Variants in CBLC observed in about 807,000 individuals in gnomAD.
The protein encoded by CBLC is Cbl proto-oncogene C.
In CBLC, 46 loss-of-function variants were observed where a neutral mutation model predicts 58.6. The observed-to-expected ratio is 0.79, with a 90% CI of 0.62 to 1.00. The LOEUF (loss-of-function observed/expected upper bound fraction) is 1.00. Among genes scored for constraint, CBLC ranks in the 50% least tolerant of loss-of-function variants. CBLC has a pLI of 0.00. For missense variants in CBLC, 655 were observed against 625.8 expected, an observed-to-expected ratio of 1.05 and a Z score of -0.50; for synonymous variants, 271 against 264.2, an observed-to-expected ratio of 1.03 and a Z score of -0.25.
At chr19:44,800,016 G>T (rs1037445171) in intron 9 of CBLC, among the ~76,000 whole-genome samples, 4 of 152,156 alleles carry the variant, frequency 2.6e-5, no homozygotes, top group Non-Finnish European at 4.4e-5. Context: ...CATCCTACAC[G>T]AGTTAGAGGT....
intron 5 of CBLC, among the ~76,000 whole-genome samples, chr19:44,789,149 G>A (rs1034325283): frequency 9.9e-5 from 15 of 152,198 alleles, no homozygotes; most frequent in Admixed American, 9.8e-4. Flanking sequence ...GGAGCCCAGT[G>A]CTGAGATCTC....
chr19:44,798,092 A>T (rs1454293864), intron 9 of CBLC, among the ~76,000 whole-genome samples: 2 of 151,998 alleles, frequency 1.3e-5, no homozygotes, highest in Non-Finnish European at 2.9e-5. Flanking sequence ...ACTGCCATTG[A>T]GCTGGATCTC....
At chr19:44,781,151 C>CAGG in intron 2 of CBLC, 56 bp from the exon 3 acceptor site, 1 of 1,576,048 alleles carries the variant, frequency 6.3e-7, no homozygotes, top group South Asian at 1.2e-5. Flanking sequence ...GGAGACCCTC[C>CAGG]CATCATAGGC....
chr19:44,781,303 C>T lies in CBLC; in HGVS notation c.597C>T (p.Asp199=). ...CCCTGGCCTTGCGCACCACCATTGA[C>T]CTCACCTGCAGCGGGCACGTGTCCA... ...CTALALRTTI[D]LTCSGHVSIF... The change falls in exon 3 of 11, where the codon GAC becomes GAT. Residue 199 remains aspartate (D), a synonymous_variant. Transcript: ENST00000647358. 1 of 1,613,542 alleles carries T rather than the reference C, an allele frequency of 6.2e-7. No individual in the cohort carries two copies. The highest frequency in any genetic ancestry group is 1.1e-5 in the South Asian group (1 of 91,088).
rs1389009213 is a variant in CBLC, at chr19:44,778,106, G to A, written c.175G>A (p.Ala59Thr). ...PRTAQLLREV[A>T]HSRRAAGGGG... ...CACAGCGCAGCTGCTTCGAGAGGTG[G>A]CCCATTCTCGGCGGGCGGCCGGCGG... Residue 59 changes from alanine (A) to threonine (T), a missense_variant, in exon 1 of 11, where the codon GCC becomes ACC. This residue lies in a region of CBLC where 280 missense variants were observed against 237.2 expected (regional missense o/e 1.18). Transcript: ENST00000647358. 1 of 1,603,762 alleles carries A rather than the reference G, an allele frequency of 6.2e-7. No homozygotes were observed. The highest frequency in any genetic ancestry group is 2.2e-5 in the East Asian group (1 of 44,622).
At chr19:44,795,014 G>A (rs1968151608) in intron 9 of CBLC, among the ~76,000 whole-genome samples, 1 of 150,446 alleles carries the variant, frequency 6.6e-6, no homozygotes, top group African/African-American at 2.5e-5. Flanking sequence ...CTGCAGTGCA[G>A]TGGCATAATC....
At chr19:44,779,027 C>G (rs1967654552) in intron 1 of CBLC, among the ~76,000 whole-genome samples, 1 of 152,218 alleles carries the variant, frequency 6.6e-6, no homozygotes, top group Non-Finnish European at 1.5e-5. Flanking sequence ...GGTCACCCAG[C>G]AGCCCAATTC....
rs1968187209 is a variant in CBLC at position 44,796,793 on chromosome 19, C to G, written c.1362+2512C>G. ...GGGAGAAGCAGATCTCTTAGTATCTCCGGCTGAGTACACACAGGCTTCGAT... is the reference window on the plus strand; with the variant it reads ...GGGAGAAGCAGATCTCTTAGTATCTGCGGCTGAGTACACACAGGCTTCGAT... On this transcript the variant is annotated intron_variant, in intron 9 of 10. Transcript: ENST00000647358. 2.6e-5 allele frequency among the ~76,000 whole-genome samples: 4 copies of G among 152,064 alleles called. No individual in the cohort carries two copies. The South Asian group carries it at 8.3e-4, about 32-fold the overall frequency.
At position 44,778,260 on chromosome 19, in the gene CBLC, T is replaced by C. The variant is rs919974224; in HGVS notation, c.329T>C (p.Leu110Pro). The change falls in exon 1 of 11, where the codon CTC (leucine) becomes CCC (proline). Residue 110 changes from leucine to proline, a missense_variant. Leu to Pro is a moderately conservative substitution (Grantham distance 98). Transcript: ENST00000647358. ...PRGRRSANDE[L>P]FRAGSRLRRQ... is the part of the protein sequence containing the mutation. ...GGCCGAAGGAGTGCCAACGACGAGCTCTTCCGGGCGGGCTCCAGACTCAGG... is the reference window on the plus strand; with the variant it reads ...GGCCGAAGGAGTGCCAACGACGAGCCCTTCCGGGCGGGCTCCAGACTCAGG... The C allele has an allele frequency of 2.8e-6, 4 of 1,443,586 alleles. No homozygotes were observed. The African/African-American group carries it at 5.9e-5, about 21-fold the overall frequency. 89.4% of individuals were successfully genotyped at this position (1,443,586 alleles called of 1,614,324 possible).
chr19:44,795,336 C>A (rs1274809906), intron 9 of CBLC, among the ~76,000 whole-genome samples: 3 of 151,750 alleles, frequency 2.0e-5, no homozygotes, highest in Admixed American at 1.3e-4. Flanking sequence ...GGCAACATCA[C>A]AAGACCCCAA....
chr19:44,794,647 T>G (rs1239552611), intron 9 of CBLC, among the ~76,000 whole-genome samples: 7 of 151,170 alleles, frequency 4.6e-5, no homozygotes, highest in African/African-American at 1.7e-4. Flanking sequence ...GTATTTTTAG[T>G]ACAGACAGAA....
chr19:44,790,930 TG>T (rs1968030401), intron 6 of CBLC, among the ~76,000 whole-genome samples: 1 of 151,616 alleles, frequency 6.6e-6, no homozygotes. Flanking sequence ...GCCAACATAG[TG>T]AAACCCATCT....
intron 9 of CBLC, among the ~76,000 whole-genome samples, chr19:44,800,127 G>A (rs1246831090): frequency 2.0e-5 from 3 of 152,184 alleles, no homozygotes; most frequent in South Asian, 2.1e-4. Context: ...GTGAAAGGAC[G>A]TCCACCCAGG....
rs955474882 is a variant in CBLC at position 44,786,596 on chromosome 19, G to GA, written c.917+2207dup. Among the ~76,000 whole-genome samples the GA allele has an allele frequency of 7.3e-3, 872 of 120,034 alleles. 11 individuals are homozygous for GA. The highest frequency in any genetic ancestry group is 0.023 in the African/African-American group (759 of 32,746). 78.7% of individuals were successfully genotyped at this position (120,034 alleles called of 152,430 possible). ...AGCGACAGAGCAAGACTCCGTCTCA[G>GA]AAAAAAAAAAAAGAAAAAAAGAAAA... is the stretch of plus-strand genomic sequence containing the variant. On this transcript the variant is annotated intron_variant, in intron 5 of 10. Transcript: ENST00000647358.
At chr19:44,794,403 C>G in intron 9 of CBLC, 122 bp downstream of exon 9, 1 of 711,458 alleles carries the variant, frequency 1.4e-6, no homozygotes, top group Non-Finnish European at 2.3e-6. Context: ...ATTTCCAAGG[C>G]ACCCATCCCC....
rs61750956 is a variant in CBLC at position 44,800,382 on chromosome 19, G to A, written c.1364G>A (p.Arg455Lys). ...RKPRNAQPKV[R>K]LLKGNSPPAA... ...CCTCTCAAAATATCTCCATTGCAGA[G>A]ACTCCTAAAGGGGAACTCCCCTCCA... Residue 455 changes from arginine to lysine, a missense_variant and splice_region_variant, in exon 10 of 11, where the codon AGA (arginine) becomes AAA (lysine). By Grantham distance (26) the Arg-to-Lys change is conservative (BLOSUM62 2). Transcript: ENST00000647358. 5 of 1,610,228 alleles carry A rather than the reference G, an allele frequency of 3.1e-6. No homozygotes were observed. Among genetic ancestry groups the A allele is most frequent in the Non-Finnish European group, 4.2e-6 (5 of 1,176,512 alleles).
chr19:44,784,872 T>C (rs1021322613), intron 5 of CBLC, among the ~76,000 whole-genome samples: 6 of 151,366 alleles, frequency 4.0e-5, no homozygotes, highest in Non-Finnish European at 7.4e-5. Context: ...AGCCAGCTTT[T>C]GTTTCTAGAT....
At position 44,792,513 on chromosome 19, in the gene CBLC, A is replaced by C; in HGVS notation, c.1136A>C (p.Gln379Pro). 6.3e-7 allele frequency: 1 copy of C among 1,596,730 alleles called. No homozygotes were observed. Reference sequence around the variant, plus strand: ...TGCAGCTGCTGCCTGGCTGCCTGGCAGGTGGGTCTGACCCCTGTGGCGCCT... The same window carrying C: ...TGCAGCTGCTGCCTGGCTGCCTGGCCGGTGGGTCTGACCCCTGTGGCGCCT... ...LLCSCCLAAW[Q>P]HSDSQTCPFC... The change falls in exon 7 of 11, where the codon CAG (glutamine) becomes CCG (proline). Residue 379 changes from glutamine to proline, a missense_variant and splice_region_variant. Gln to Pro is a moderately conservative substitution (Grantham distance 76, BLOSUM62 -1). This residue lies in a region of CBLC where 371 missense variants were observed against 370.8 expected (regional missense o/e 1.00). Transcript: ENST00000647358.
chr19:44,794,109 C>T, intron 8 of CBLC, 95 bp from the exon 9 acceptor site: 1 of 1,527,860 alleles, frequency 6.5e-7, no homozygotes, highest in Non-Finnish European at 8.8e-7. Flanking sequence ...GAGTCTAGAA[C>T]AGTGCCTGAA....
Sources: gnomAD v4.1 joint callset for allele counts (sites outside exome capture counted in the v4.1 genomes callset) on GRCh38, gnomAD v4.1.1 for gene constraint, gnomAD v4.1.1 regional missense constraint, MANE v1.5 for transcripts, NCBI Gene and HGNC (gene_info 2026-07-23, HGNC 2026-07-21) for gene names.